Variants in TNK2 observed in about 807,000 individuals in gnomAD.
The protein encoded by TNK2 is activated CDC42 kinase 1.
In TNK2, 83 loss-of-function variants were observed where a neutral mutation model predicts 101.8. The observed-to-expected ratio is 0.82, with a 90% CI of 0.68 to 0.98. The LOEUF (loss-of-function observed/expected upper bound fraction) is 0.98, where lower values mean the gene tolerates loss of function less well. Among genes scored for constraint, TNK2 ranks in the 50% least tolerant of loss-of-function variants. The pLI is 0.00. For synonymous variants in TNK2, 804 were observed against 633.0 expected, an observed-to-expected ratio of 1.27 and a Z score of -4.06; for missense variants, 1,665 against 1,483.2, an observed-to-expected ratio of 1.12 and a Z score of -2.01.
In TNK2 at chr3:195,867,269, G is replaced by C; in HGVS notation, c.2938-5C>G. 3.7e-6 allele frequency: 6 copies of C among 1,609,322 alleles called. No homozygotes were observed. Among genetic ancestry groups the C allele is most frequent in the Non-Finnish European group, 5.1e-6 (6 of 1,177,896 alleles). The stretch of plus-strand genomic sequence containing the variant: ...CCCATGCACCATGGCCTGCAGCTGG[G>C]CACACCCACCCCTGTCAGCACCACT... On this transcript the variant is annotated splice_region_variant and splice_polypyrimidine_tract_variant and intron_variant, in intron 13 of 15. Transcript: ENST00000672887.
Position 195,878,488 on chromosome 3 carries a change from C to T in TNK2, c.1119G>A (p.Glu373=), listed in dbSNP as rs780114125. The T allele has an allele frequency of 1.1e-5, 18 of 1,613,890 alleles. No homozygotes were observed. The highest frequency in any genetic ancestry group is 4.0e-5 in the African/African-American group (3 of 74,946). Residue 373 remains glutamate (E), a synonymous_variant, in exon 8 of 16, where the codon GAG becomes GAA. Coordinates refer to ENST00000672887, the MANE Select transcript of TNK2 (RefSeq NM_001382273.1). The surrounding 1 kb of genome is among the most constrained non-coding windows in gnomAD (Gnocchi z 4.7). ...GCAGGGCCACAAACGTGGGTCTGTCCTCTGGCTTGTGAGCCCAGCACTGGA... is the reference window on the plus strand; with the variant it reads ...GCAGGGCCACAAACGTGGGTCTGTCTTCTGGCTTGTGAGCCCAGCACTGGA... ...VMVQCWAHKP[E]DRPTFVALRD... is the part of the protein sequence containing the mutation.
chr3:195,891,574 G>A (rs1758450539), intron 1 of TNK2, among the ~76,000 whole-genome samples: 1 of 152,106 alleles, frequency 6.6e-6, no homozygotes, highest in Admixed American at 6.5e-5. Context: ...AAGCCCAGAG[G>A]CACACTAGGA....
Position 195,868,542 on chromosome 3 carries a change from T to C in TNK2, c.1756A>G (p.Ile586Val), listed in dbSNP as rs1742522421. The change falls in exon 13 of 16, where the codon ATC (isoleucine) becomes GTC (valine). Residue 586 changes from isoleucine (I) to valine (V), a missense_variant. Physicochemically the swap from Ile to Val is conservative, Grantham distance 29. Around this residue, in one of 3 missense-constraint regions of TNK2, gnomAD observed 1,136 missense variants for 894.9 expected, o/e 1.27. Transcript: ENST00000672887. ...SRGSGAEVTLIDFGEEPVVPA... is the reference protein window; with the variant it reads ...SRGSGAEVTLVDFGEEPVVPA... ...ACCACGGGCTCCTCACCGAAGTCGATGAGCGTGACCTCAGCCCCGCTGCCT... is the reference window on the plus strand; with the variant it reads ...ACCACGGGCTCCTCACCGAAGTCGACGAGCGTGACCTCAGCCCCGCTGCCT... 4 of 1,568,068 alleles carry C rather than the reference T, an allele frequency of 2.6e-6. No homozygotes were observed. Among genetic ancestry groups the C allele is most frequent in the African/African-American group, 2.7e-5 (2 of 73,704 alleles).
rs148510577 is a variant in TNK2, at chr3:195,882,110, T to C, written c.828A>G (p.Ala276=). ...VKIGDFGLMR[A]LPQNDDHYVM... The stretch of plus-strand genomic sequence containing the variant: ...CGTAATGGTCGTCATTCTGAGGTAG[T>C]GCTCGCATCAGCCCAAAGTCCCCGA... The change falls in exon 6 of 16, where the codon GCA becomes GCG. Residue 276 remains alanine, a synonymous_variant. Coordinates refer to ENST00000672887, the MANE Select transcript of TNK2 (RefSeq NM_001382273.1). This position sits in a 1 kb window ranked among gnomAD's most constrained non-coding sequence, Gnocchi z 4.2. The C allele has an allele frequency of 1.1e-4, 177 of 1,613,760 alleles. 1 individual carries two copies. The African/African-American group carries it at 1.8e-3, about 16-fold the overall frequency.
Position 195,872,490 on chromosome 3 carries a change from C to T in TNK2, c.1257-20G>A, listed in dbSNP as rs369547821. 1.2e-5 allele frequency: 18 copies of T among 1,559,414 alleles called. No homozygotes were observed. Among genetic ancestry groups the T allele is most frequent in the South Asian group, 2.4e-5 (2 of 82,474 alleles). Reference sequence around the variant, plus strand: ...TCGGCCCTGCGCGACAGAGATGGCACGGTGAACGCCAGGCGTGGCGGGGCA... The same window carrying T: ...TCGGCCCTGCGCGACAGAGATGGCATGGTGAACGCCAGGCGTGGCGGGGCA... On this transcript the variant is annotated intron_variant, in intron 9 of 15. Transcript: ENST00000672887.
chr3:195,896,345 C>T (rs879705679), intron 1 of TNK2: 8 of 311,972 alleles, frequency 2.6e-5, no homozygotes, highest in African/African-American at 1.6e-4. Flanking sequence ...CTCCTCCCCA[C>T]GCAGCGTCAA....
At chr3:195,895,271 A>G in intron 1 of TNK2, 1 of 1,558,250 alleles carries the variant, frequency 6.4e-7, no homozygotes, top group Non-Finnish European at 8.7e-7. Flanking sequence ...GCCCCCAGCC[A>G]GGCGCTGGTA....
At chr3:195,866,574 A>T (rs1740990060) in intron 15 of TNK2, among the ~76,000 whole-genome samples, 1 of 152,214 alleles carries the variant, frequency 6.6e-6, no homozygotes, top group Admixed American at 6.5e-5. Flanking sequence ...TGTGCAAATC[A>T]TGGGGTCCTA....
At chr3:195,896,027 G>A (rs1488789897) in intron 1 of TNK2, 1 of 413,208 alleles carries the variant, frequency 2.4e-6, no homozygotes, top group South Asian at 1.6e-5. Context: ...AACGCCGCAC[G>A]CGCTGTGCGC....
chr3:195,888,017 A>C lies in TNK2; in HGVS notation c.163+409T>G, dbSNP rs144721682. Reference sequence around the variant, plus strand: ...ATGCGTGTGTGCGTGTGAGAGAGCAAGAAAGAGAGCGTGAGCACGAATCAG... The same window carrying C: ...ATGCGTGTGTGCGTGTGAGAGAGCACGAAAGAGAGCGTGAGCACGAATCAG... On this transcript the variant is annotated intron_variant, in intron 2 of 15. Transcript: ENST00000672887. This position sits in a 1 kb window ranked among gnomAD's most constrained non-coding sequence, Gnocchi z 5.3. Among the ~76,000 whole-genome samples, 164 of 152,192 alleles carry C rather than the reference A, an allele frequency of 1.1e-3. 4 individuals carry two copies. In the East Asian group the frequency reaches 0.029, roughly 27 times the overall value.
intron 1 of TNK2, chr3:195,892,730 T>C (rs1759082227): frequency 1.5e-6 from 2 of 1,372,126 alleles, no homozygotes; most frequent in Admixed American, 3.2e-5. Context: ...GTTTCTGTCT[T>C]CTCTCCAGGG....
intron 15 of TNK2, among the ~76,000 whole-genome samples, chr3:195,864,685 T>G (rs1739391278): frequency 7.8e-6 from 1 of 127,536 alleles, no homozygotes; most frequent in Non-Finnish European, 1.6e-5. Flanking sequence ...TGACAGCGAG[T>G]GCCTGCGTCC....
chr3:195,868,803 C>T (rs971233521), intron 12 of TNK2, 94 bp from the exon 13 acceptor site: 81 of 1,389,392 alleles, frequency 5.8e-5, no homozygotes, highest in Middle Eastern at 2.4e-4. Context: ...CCAAGTGTCC[C>T]CCAGCAACCC....
rs377243470 is a variant in TNK2, at chr3:195,872,404, G to A, written c.1323C>T (p.Asn441=). Reference sequence around the variant, plus strand: ...ACAGGCCGGCCACGGAGGTCACCACGTTGCGAGGGAAGGGCCCCACACACA... The same window carrying A: ...ACAGGCCGGCCACGGAGGTCACCACATTGCGAGGGAAGGGCCCCACACACA... ...RTLCVGPFPR[N]VVTSVAGLSA... Residue 441 remains asparagine, a synonymous_variant, in exon 10 of 16, where the codon AAC becomes AAT. Transcript: ENST00000672887. The A allele has an allele frequency of 7.1e-5, 115 of 1,613,096 alleles. No individual in the cohort carries two copies. Among genetic ancestry groups the A allele is most frequent in the Non-Finnish European group, 8.8e-5 (104 of 1,179,814 alleles).
intron 9 of TNK2, among the ~76,000 whole-genome samples, chr3:195,876,265 T>G (rs1321548967): frequency 6.6e-6 from 1 of 152,142 alleles, no homozygotes. Context: ...CCTGGTACCC[T>G]GAGAAGGACT....
intron 15 of TNK2, among the ~76,000 whole-genome samples, chr3:195,865,054 T>G (rs554511281): frequency 1.7e-5 from 2 of 116,364 alleles, no homozygotes; most frequent in South Asian, 3.0e-4. Flanking sequence ...CCCGAGACAG[T>G]GACAGACAGG....
Position 195,878,342 on chromosome 3 carries a change from C to T in TNK2, c.1167G>A (p.Gln389=). ...VALRDFLLEA[Q]PTDMRALQDF... is the part of the protein sequence containing the mutation. The stretch of plus-strand genomic sequence containing the variant: ...CCTGAAGGGCCCGCATGTCTGTGGG[C>T]TGGGCCTGGAGGAAGAGGAAGGTCG... The change falls in exon 9 of 16, where the codon CAG becomes CAA. Residue 389 remains glutamine (Q), a synonymous_variant. Transcript: ENST00000672887. The surrounding 1 kb of genome is among the most constrained non-coding windows in gnomAD (Gnocchi z 4.7). 1 of 1,614,138 alleles carries T rather than the reference C, an allele frequency of 6.2e-7. No individual in the cohort carries two copies. Among genetic ancestry groups the T allele is most frequent in the Non-Finnish European group, 8.5e-7 (1 of 1,180,038 alleles).
chr3:195,905,872 T>C (rs1484925521), intron 1 of TNK2, among the ~76,000 whole-genome samples: 1 of 152,196 alleles, frequency 6.6e-6, no homozygotes, highest in Non-Finnish European at 1.5e-5. Context: ...GAAGACATTG[T>C]TAAGAGGATC....
Position 195,867,950 on chromosome 3 carries a change from T to C in TNK2, c.2348A>G (p.Gln783Arg). The change falls in exon 13 of 16, where the codon CAG becomes CGG. Residue 783 changes from glutamine (Q) to arginine (R), a missense_variant. Physicochemically the swap from Gln to Arg is conservative, Grantham distance 43. Transcript: ENST00000672887. ...PAPPGEEETS[Q>R]WPGPASPPRV... ...GGGAGGGGAAGCAGGTCCAGGCCACTGGCTGGTCTCCTCCTCGCCCGGGGG... is the reference window on the plus strand; with the variant it reads ...GGGAGGGGAAGCAGGTCCAGGCCACCGGCTGGTCTCCTCCTCGCCCGGGGG... The C allele has an allele frequency of 6.5e-7, 1 of 1,543,518 alleles. No individual in the cohort carries two copies. The highest frequency in any genetic ancestry group is 8.6e-7 in the Non-Finnish European group (1 of 1,157,080).
Sources: allele counts gnomAD v4.1 joint callset (sites outside exome capture counted in the v4.1 genomes callset), GRCh38; gene constraint gnomAD v4.1.1; regional missense constraint gnomAD v4.1.1; non-coding constraint Gnocchi (gnomAD v3.1); transcripts MANE v1.5; gene names NCBI Gene and HGNC (gene_info 2026-07-23, HGNC 2026-07-21).